The following SNAP23 variants were observed in gnomAD, a reference collection of about 807,000 sequenced individuals.
SNAP23 encodes the protein synaptosomal-associated protein 23.
Under a neutral mutation model 29.0 loss-of-function variants are expected in SNAP23, and 11 were observed. That is an observed-to-expected ratio of 0.38 (90% CI 0.24 to 0.63). The LOEUF is 0.63. Among genes scored for constraint, SNAP23 ranks in the 20% least tolerant of loss-of-function variants. The pLI is 0.58. For synonymous variants in SNAP23, 60 were observed against 82.9 expected, an observed-to-expected ratio of 0.72 and a Z score of 1.50; for missense variants, 220 against 253.9, an observed-to-expected ratio of 0.87 and a Z score of 0.91.
At chr15:42,503,439 G>A (rs539994198) in intron 1 of SNAP23, among the ~76,000 whole-genome samples, 1 of 148,332 alleles carries the variant, frequency 6.7e-6, no homozygotes, top group Non-Finnish European at 1.5e-5. Flanking sequence ...GCACAATCTC[G>A]ACTCACTGCA....
intron 1 of SNAP23, among the ~76,000 whole-genome samples, chr15:42,499,762 A>C (rs1165306746): frequency 6.6e-6 from 1 of 152,188 alleles, no homozygotes; most frequent in Non-Finnish European, 1.5e-5. Context: ...GATTGAACTA[A>C]AGCTTATGGG....
intron 5 of SNAP23, among the ~76,000 whole-genome samples, chr15:42,518,024 C>CTT (rs796496498): frequency 6.8e-6 from 1 of 147,576 alleles, no homozygotes; most frequent in Non-Finnish European, 1.5e-5. Flanking sequence ...GCACTTCTTT[C>CTT]TTTTTTTTTT....
Position 42,511,524 on chromosome 15 carries a change from CT to C in SNAP23, c.-14-307del, listed in dbSNP as rs746568963. ...AATTCACTTTAATAGTCTTTTAATGCTTGTCTTCCAGTAATGCCTTGCTTCT... is the reference window on the plus strand; with the variant it reads ...AATTCACTTTAATAGTCTTTTAATGCTGTCTTCCAGTAATGCCTTGCTTCT... On this transcript the variant is annotated intron_variant, in intron 1 of 7. Transcript: ENST00000249647. 2.8e-4 allele frequency among the ~76,000 whole-genome samples: 42 copies of C among 152,270 alleles called. 1 individual carries two copies. Among genetic ancestry groups the C allele is most frequent in the Admixed American group, 2.3e-3 (35 of 15,290 alleles).
chr15:42,512,951 C>G lies in SNAP23; in HGVS notation c.58-4C>G. ...GAATGCTAAAATTCTGTGTTCTTTCCTAGTCTCTGGAAAGTACGAGGAGAA... is the reference window on the plus strand; with the variant it reads ...GAATGCTAAAATTCTGTGTTCTTTCGTAGTCTCTGGAAAGTACGAGGAGAA... On this transcript the variant is annotated splice_region_variant and splice_polypyrimidine_tract_variant and intron_variant, in intron 2 of 7. Transcript: ENST00000249647. 1 of 1,609,282 alleles carries G rather than the reference C, an allele frequency of 6.2e-7. No individual in the cohort carries two copies. The highest frequency in any genetic ancestry group is 1.3e-5 in the African/African-American group (1 of 74,878).
intron 4 of SNAP23, among the ~76,000 whole-genome samples, chr15:42,514,396 ACGTCG>A (rs1242898465): frequency 6.8e-6 from 1 of 147,364 alleles, no homozygotes; most frequent in African/African-American, 2.5e-5. Context: ...TGATCCGCCC[ACGTCG>A]GCCTCCCGAA....
In SNAP23 at chr15:42,510,617, A is replaced by C. The variant is rs115113086; in HGVS notation, c.-14-1216A>C. ...TTTCTACTTATTTGTTCATTCAGCT[A>C]TTTTTGGAGTATCTACCATCAGATC... On this transcript the variant is annotated intron_variant, in intron 1 of 7. Transcript: ENST00000249647. Among the ~76,000 whole-genome samples the C allele has an allele frequency of 9.9e-3, 1,510 of 152,178 alleles. 32 individuals carry two copies. Among genetic ancestry groups the C allele is most frequent in the African/African-American group, 0.035 (1,458 of 41,514 alleles).
At chr15:42,502,201 G>A (rs2057277527) in intron 1 of SNAP23, among the ~76,000 whole-genome samples, 1 of 135,254 alleles carries the variant, frequency 7.4e-6, no homozygotes, top group African/African-American at 3.3e-5. Context: ...CTAATTTTCT[G>A]TTTTTTAGTA....
intron 5 of SNAP23, among the ~76,000 whole-genome samples, chr15:42,516,959 A>T (rs2057401951): frequency 6.6e-6 from 1 of 152,120 alleles, no homozygotes; most frequent in South Asian, 2.1e-4. Context: ...TCGCTCTGTC[A>T]CCCAGGCTGG....
intron 5 of SNAP23, among the ~76,000 whole-genome samples, chr15:42,523,209 A>G (rs2057465564): frequency 6.6e-6 from 1 of 152,094 alleles, no homozygotes; most frequent in Non-Finnish European, 1.5e-5. Context: ...GTTAAAGACT[A>G]TTAGACCACT....
Position 42,530,769 on chromosome 15 carries a change from A to G in SNAP23, c.571-644A>G, listed in dbSNP as rs115331466. On this transcript the variant is annotated intron_variant, in intron 7 of 7. Transcript: ENST00000249647. ...TTTCTCAAAAAGAAAGGAAAAAAAG[A>G]AAGTCATACCTCATTAAAATCTCAG... is the stretch of plus-strand genomic sequence containing the variant. 3.4e-3 allele frequency among the ~76,000 whole-genome samples: 516 copies of G among 152,316 alleles called. 6 individuals carry two copies. Among genetic ancestry groups the G allele is most frequent in the African/African-American group, 0.012 (492 of 41,558 alleles).
intron 4 of SNAP23, among the ~76,000 whole-genome samples, chr15:42,513,874 C>T (rs916927788): frequency 2.6e-5 from 4 of 152,110 alleles, no homozygotes; most frequent in East Asian, 1.9e-4. Flanking sequence ...AGTGCAATGG[C>T]GTGATCTTGG....
At chr15:42,524,315 G>T (rs969402273) in intron 5 of SNAP23, among the ~76,000 whole-genome samples, 1 of 152,096 alleles carries the variant, frequency 6.6e-6, no homozygotes, top group Non-Finnish European at 1.5e-5. Context: ...ATGTGTATTG[G>T]AGTAGAATCT....
At chr15:42,499,735 C>G (rs2057252646) in intron 1 of SNAP23, among the ~76,000 whole-genome samples, 1 of 152,112 alleles carries the variant, frequency 6.6e-6, no homozygotes, top group Non-Finnish European at 1.5e-5. Context: ...GCCTAATCAG[C>G]TCATTTTTAA....
intron 7 of SNAP23, among the ~76,000 whole-genome samples, 161 bp downstream of exon 7, chr15:42,529,980 C>A (rs768909007): frequency 4.6e-5 from 7 of 152,132 alleles, no homozygotes; most frequent in Non-Finnish European, 8.8e-5. Flanking sequence ...AAACAAGAGC[C>A]AAGTCCTCCC....
chr15:42,527,440 C>T (rs1049663228), intron 5 of SNAP23, among the ~76,000 whole-genome samples: 1 of 152,086 alleles, frequency 6.6e-6, no homozygotes, highest in African/African-American at 2.4e-5. Context: ...GGCTGGAGTG[C>T]AGTGGCACTA....
chr15:42,523,927 C>T (rs953191788), intron 5 of SNAP23, among the ~76,000 whole-genome samples: 2 of 152,134 alleles, frequency 1.3e-5, no homozygotes, highest in African/African-American at 4.8e-5. Context: ...AGTGATTCTC[C>T]TGCCTCAGCC....
chr15:42,491,760 T>A (rs1011941309), upstream of SNAP23, among the ~76,000 whole-genome samples: 1 of 152,232 alleles, frequency 6.6e-6, no homozygotes, highest in Admixed American at 6.5e-5. Flanking sequence ...TAATATTTTT[T>A]AAGTAGAGAC....
intron 4 of SNAP23, 54 bp from the exon 5 acceptor site, chr15:42,515,183 C>A: frequency 9.3e-7 from 1 of 1,077,868 alleles, no homozygotes; most frequent in Non-Finnish European, 1.4e-6. Flanking sequence ...ATAGCATTTT[C>A]TGGTTGACAC....
intron 5 of SNAP23, among the ~76,000 whole-genome samples, chr15:42,523,573 A>G (rs983323151): frequency 2.0e-5 from 3 of 152,364 alleles, no homozygotes; most frequent in African/African-American, 4.8e-5. Flanking sequence ...GTTGAAGCCA[A>G]TGAATGAAAA....
Sources: allele counts gnomAD v4.1 joint callset (sites outside exome capture counted in the v4.1 genomes callset), GRCh38; gene constraint gnomAD v4.1.1; transcripts MANE v1.5; gene names NCBI Gene and HGNC (gene_info 2026-07-23, HGNC 2026-07-21).